Variants in SLF2 observed in about 807,000 individuals in gnomAD.
SLF2 encodes the protein SMC5-SMC6 complex localization factor protein 2.
A neutral mutation model predicts 124.3 loss-of-function variants in SLF2; 68 were observed. The observed-to-expected ratio is 0.55, with a 90% CI of 0.45 to 0.67. The LOEUF is 0.67. Ranked by LOEUF, SLF2 falls within the 30% of genes least tolerant of loss-of-function variation. The pLI is 0.00. For synonymous variants in SLF2, 480 were observed against 478.8 expected, an observed-to-expected ratio of 1.00 and a Z score of -0.03; for missense variants, 1,246 against 1,373.7, an observed-to-expected ratio of 0.91 and a Z score of 1.47.
At chr10:100,939,874 T>C (rs1403657513) in intron 11 of SLF2, among the ~76,000 whole-genome samples, 4 of 152,222 alleles carry the variant, frequency 2.6e-5, no homozygotes, top group Non-Finnish European at 5.9e-5. Flanking sequence ...ATTCTCTTTC[T>C]ACTCCATATA....
chr10:100,922,922 C>A (rs975231974), intron 4 of SLF2, among the ~76,000 whole-genome samples: 14 of 151,838 alleles, frequency 9.2e-5, no homozygotes, highest in African/African-American at 3.4e-4. Context: ...AGTACAGGCA[C>A]GCACCACCAT....
chr10:100,919,001 CTTTTTTTTTTTTTTTTTT>C (rs528512219), intron 4 of SLF2, among the ~76,000 whole-genome samples: 4 of 105,704 alleles, frequency 3.8e-5, no homozygotes, highest in Admixed American at 3.1e-4. Flanking sequence ...GAAACATAAT[CTTTTTTTTTTTTTTTTTT>C]TTTTTTTTTT....
chr10:100,940,128 G>A (rs937202537), intron 11 of SLF2, among the ~76,000 whole-genome samples: 2 of 152,148 alleles, frequency 1.3e-5, no homozygotes, highest in Non-Finnish European at 2.9e-5. Context: ...TTAACATTTA[G>A]TGAACTCAGT....
intron 17 of SLF2, among the ~76,000 whole-genome samples, chr10:100,954,920 T>C (rs1301401557): frequency 2.0e-5 from 3 of 150,300 alleles, no homozygotes; most frequent in African/African-American, 7.4e-5. Flanking sequence ...CACTCCAGCC[T>C]GGATAACAAG....
chr10:100,937,546 A>G, intron 10 of SLF2, 69 bp downstream of exon 10: 2 of 935,990 alleles, frequency 2.1e-6, no homozygotes, highest in Non-Finnish European at 3.5e-6. Context: ...TATCTTTCAC[A>G]TTGCTAAATG....
chr10:100,962,211 C>G lies in SLF2; in HGVS notation c.*299C>G, dbSNP rs755184768. The G allele has an allele frequency of 1.8e-4, 42 of 236,836 alleles. No homozygotes were observed. Among genetic ancestry groups the G allele is most frequent in the Non-Finnish European group, 2.9e-4 (36 of 123,906 alleles). The allele number at this position is 236,836 out of a possible 1,614,324, so 14.7% of individuals were successfully genotyped here. A position where few individuals can be genotyped will look rare whatever the true frequency, so the allele number is the denominator to read the frequency against. ...ATGTCTAACCTGCCCCAGTTAACTC[C>G]TCTTGTTAAATTATAAGCCAGTTAT... On this transcript the variant is annotated 3_prime_UTR_variant, in exon 20 of 20. Transcript: ENST00000238961.
rs1333678024 is a variant in SLF2, at chr10:100,916,054, G to A, written c.184+12G>A. On this transcript the variant is annotated intron_variant, in intron 2 of 19. Coordinates refer to ENST00000238961, the MANE Select transcript of SLF2 (RefSeq NM_018121.4). ...AGCTTCAAAACAAGGTATGTACACT[G>A]TTGATGCATTTTTTGTGGGCTATTT... 3 of 1,603,820 alleles carry A rather than the reference G, an allele frequency of 1.9e-6. No individual in the cohort carries two copies. The highest frequency in any genetic ancestry group is 1.7e-4 in the Middle Eastern group (1 of 5,928).
chr10:100,947,680 G>T, intron 14 of SLF2, 80 bp from the exon 15 acceptor site: 1 of 910,050 alleles, frequency 1.1e-6, no homozygotes. Flanking sequence ...TAGAACTAGA[G>T]CTCCTCTTGG....
In SLF2 at chr10:100,935,679, C is replaced by CA. The variant is rs34370757; in HGVS notation, c.2437-1713dup. Among the ~76,000 whole-genome samples the CA allele has an allele frequency of 4.7e-4, 66 of 140,874 alleles. No homozygotes were observed. The East Asian group carries it at 7.4e-3, about 16-fold the overall frequency. The allele number at this position is 140,874 out of a possible 152,430, so 92.4% of individuals were successfully genotyped here. On this transcript the variant is annotated intron_variant, in intron 9 of 19. Coordinates refer to ENST00000238961, the MANE Select transcript of SLF2 (RefSeq NM_018121.4). ...TGGGCAACAGAGTGAGACTCTGTCT[C>CA]AAAAAAAAAAGGTATATTATTTGTT...
rs1850464391 is a variant in SLF2 at position 100,963,685 on chromosome 10, A to G, written c.*1773A>G. ...TTTTGCATTGTGTAAAGTGTACAAA[A>G]TCTCAAAGTATAAAATACTGCTTAT... On this transcript the variant is annotated 3_prime_UTR_variant, in exon 20 of 20. Coordinates refer to ENST00000238961, the MANE Select transcript of SLF2 (RefSeq NM_018121.4). 6.6e-6 allele frequency: 1 copy of G among 152,496 alleles called. No individual in the cohort carries two copies. Among genetic ancestry groups the G allele is most frequent in the Non-Finnish European group, 1.5e-5 (1 of 68,030 alleles). 9.4% of individuals were successfully genotyped at this position (152,496 alleles called of 1,614,324 possible). A position where few individuals can be genotyped will look rare whatever the true frequency, so the allele number is the denominator to read the frequency against.
rs1849432016 is a variant in SLF2, at chr10:100,917,095, A to G, written c.710A>G (p.Gln237Arg). The change falls in exon 3 of 20, where the codon CAG becomes CGG. Residue 237 changes from glutamine (Q) to arginine (R), a missense_variant. Physicochemically the swap from Gln to Arg is conservative, Grantham distance 43. This residue lies in a region of SLF2 where 698 missense variants were observed against 708.9 expected (regional missense o/e 0.98). Coordinates refer to ENST00000238961, the MANE Select transcript of SLF2 (RefSeq NM_018121.4). ...PEESPLGAKFQLSLASYCRER... is the reference protein window; with the variant it reads ...PEESPLGAKFRLSLASYCRER... ...GAAAGCCCACTGGGAGCTAAATTCC[A>G]GTTGTCACTAGCTTCTTACTGCAGA... 5 of 1,614,108 alleles carry G rather than the reference A, an allele frequency of 3.1e-6. No individual in the cohort carries two copies. The highest frequency in any genetic ancestry group is 1.7e-5 in the Admixed American group (1 of 60,004).
chr10:100,932,476 A>G (rs1350431735), intron 9 of SLF2, among the ~76,000 whole-genome samples: 2 of 152,224 alleles, frequency 1.3e-5, no homozygotes, highest in East Asian at 1.9e-4. Context: ...TGGGAAAAAC[A>G]TGGAGTTTCT....
intron 9 of SLF2, among the ~76,000 whole-genome samples, chr10:100,933,602 A>G (rs1849787621): frequency 6.6e-6 from 1 of 151,898 alleles, no homozygotes; most frequent in Non-Finnish European, 1.5e-5. Context: ...TTTTTTAACA[A>G]TTTTCAAAAG....
chr10:100,917,348 T>A (rs781118645), intron 3 of SLF2, 48 bp downstream of exon 3: 2 of 1,519,760 alleles, frequency 1.3e-6, no homozygotes, highest in East Asian at 4.5e-5. Context: ...TATGTCATAT[T>A]TAGAATACTA....
At chr10:100,953,602 A>G (rs1285016057) in intron 17 of SLF2, among the ~76,000 whole-genome samples, 1 of 151,956 alleles carries the variant, frequency 6.6e-6, no homozygotes, top group Non-Finnish European at 1.5e-5. Flanking sequence ...TTATTTTAAC[A>G]AAAATGTAAT....
At chr10:100,937,589 A>T in intron 10 of SLF2, 112 bp downstream of exon 10, 4 of 746,312 alleles carry the variant, frequency 5.4e-6, no homozygotes, top group Non-Finnish European at 6.6e-6. Flanking sequence ...ATACAAAATT[A>T]TTTTTCTAAT....
intron 4 of SLF2, among the ~76,000 whole-genome samples, chr10:100,919,359 G>A (rs1209723121): frequency 1.3e-5 from 2 of 152,074 alleles, no homozygotes; most frequent in Admixed American, 1.3e-4. Context: ...TGAGTTGTTG[G>A]TATTATGTTG....
intron 9 of SLF2, among the ~76,000 whole-genome samples, chr10:100,936,970 C>T (rs997515139): frequency 6.6e-6 from 1 of 152,004 alleles, no homozygotes; most frequent in Non-Finnish European, 1.5e-5. Flanking sequence ...AATATTTAAT[C>T]TCTCTGAACC....
At chr10:100,948,988 A>G (rs554865144) in intron 15 of SLF2, among the ~76,000 whole-genome samples, 1 of 152,370 alleles carries the variant, frequency 6.6e-6, no homozygotes, top group Non-Finnish European at 1.5e-5. Context: ...TAAAACAAAC[A>G]AAGATTTAGA....
Sources: allele counts gnomAD v4.1 joint callset (sites outside exome capture counted in the v4.1 genomes callset), GRCh38; gene constraint gnomAD v4.1.1; regional missense constraint gnomAD v4.1.1; transcripts MANE v1.5; gene names NCBI Gene and HGNC (gene_info 2026-07-23, HGNC 2026-07-21).